The following NRG1 variants were observed in gnomAD, a reference collection of about 807,000 sequenced individuals.
The protein encoded by NRG1 is pro-neuregulin-1, membrane-bound isoform.
NRG1 carries 18 observed loss-of-function variants against 63.8 expected under a neutral mutation model. The observed-to-expected ratio is 0.28, with a 90% CI of 0.19 to 0.42. The LOEUF (loss-of-function observed/expected upper bound fraction) is 0.42, where lower values mean the gene tolerates loss of function less well. Ranked by LOEUF, NRG1 falls within the 10% of genes least tolerant of loss-of-function variation. NRG1 has a pLI of 1.00. For synonymous variants in NRG1, 302 were observed against 301.3 expected, an observed-to-expected ratio of 1.00 and a Z score of -0.02; for missense variants, 762 against 814.7, an observed-to-expected ratio of 0.94 and a Z score of 0.79.
chr8:32,737,596 A>G (rs1267995336), intron 6 of NRG1, among the ~76,000 whole-genome samples: 1 of 151,922 alleles, frequency 6.6e-6, no homozygotes, highest in Non-Finnish European at 1.5e-5. Context: ...AGGAGAGTGT[A>G]TCATAAACTA....
At chr8:32,408,352 A>T (rs1175388130) in intron 1 of NRG1, among the ~76,000 whole-genome samples, 1 of 152,126 alleles carries the variant, frequency 6.6e-6, no homozygotes, top group East Asian at 1.9e-4. Context: ...GCTGGCCGAG[A>T]TGTGCAGTCC....
At chr8:31,651,816 C>T (rs1445970041) in intron 1 of NRG1, among the ~76,000 whole-genome samples, 2 of 152,030 alleles carry the variant, frequency 1.3e-5, no homozygotes, top group African/African-American at 2.4e-5. Context: ...ACGTCTCCGA[C>T]CCCTGGTGGA....
At position 32,722,754 on chromosome 8, in the gene NRG1, T is replaced by C. The variant is rs374983697; in HGVS notation, c.503-5195T>C. Among the ~76,000 whole-genome samples, 5 of 152,334 alleles carry C rather than the reference T, an allele frequency of 3.3e-5. No homozygotes were observed. In the East Asian group the frequency reaches 7.7e-4, roughly 23 times the overall value. ...CAGTCAGAAATATTAAAGAATTATG[T>C]AGATCTTGAAAGGGTAAAATAATCC... On this transcript the variant is annotated intron_variant, in intron 5 of 11. Transcript: ENST00000356819.
intron 1 of NRG1, among the ~76,000 whole-genome samples, chr8:32,215,819 A>T (rs1586146841): frequency 6.6e-6 from 1 of 152,250 alleles, no homozygotes; most frequent in East Asian, 1.9e-4. Context: ...AGGCAAGAGG[A>T]TAACTTGAGC....
intron 5 of NRG1, among the ~76,000 whole-genome samples, chr8:32,678,054 A>C (rs1046753241): frequency 1.3e-5 from 2 of 152,204 alleles, no homozygotes; most frequent in Admixed American, 6.5e-5. Context: ...GTTTTTGATC[A>C]CATTATATTA....
chr8:32,620,427 T>C (rs1403198353), intron 5 of NRG1, among the ~76,000 whole-genome samples: 1 of 151,502 alleles, frequency 6.6e-6, no homozygotes, highest in African/African-American at 2.4e-5. Flanking sequence ...CAGGGGAGGC[T>C]TTCAGAGCAA....
Position 32,581,502 on chromosome 8 carries a change from G to C in NRG1, c.101-14326G>C, listed in dbSNP as rs1840625277. Among the ~76,000 whole-genome samples, 10 of 152,280 alleles carry C rather than the reference G, an allele frequency of 6.6e-5. No homozygotes were observed. The South Asian group carries it at 2.1e-3, about 32-fold the overall frequency. On this transcript the variant is annotated intron_variant, in intron 1 of 11. Coordinates refer to ENST00000356819, the Ensembl canonical transcript of NRG1. ...TCTTCCATTCAGTCAACATTATTGA[G>C]CACTGTGCTAGTTATTAGGATAAAA... is the stretch of plus-strand genomic sequence containing the variant.
chr8:31,922,440 A>G (rs1481624), intron 1 of NRG1, among the ~76,000 whole-genome samples: 112,303 of 152,074 alleles, frequency 0.74, 41,994 homozygotes, highest in East Asian at 0.92. Context: ...CTTCTCAGTG[A>G]ACTATGTGGT....
chr8:31,857,806 A>G (rs1044054232), intron 1 of NRG1, among the ~76,000 whole-genome samples: 1 of 152,236 alleles, frequency 6.6e-6, no homozygotes, highest in Non-Finnish European at 1.5e-5. Flanking sequence ...TTGTAGTTCA[A>G]AATGGGTCAT....
rs553486833 is a variant in NRG1, at chr8:31,667,046, G to A, written c.37+27615G>A. On this transcript the variant is annotated intron_variant, in intron 1 of 10. Transcript: ENST00000519301. ...GGTCACAGTGGAGAGCAGGCTGTCCGGCTCCAGTGTCTACTTAATTCTAAC... is the reference window on the plus strand; with the variant it reads ...GGTCACAGTGGAGAGCAGGCTGTCCAGCTCCAGTGTCTACTTAATTCTAAC... Among the ~76,000 whole-genome samples the A allele has an allele frequency of 3.9e-4, 59 of 152,272 alleles. No individual in the cohort carries two copies. The South Asian group carries it at 4.3e-3, about 11-fold the overall frequency.
intron 1 of NRG1, among the ~76,000 whole-genome samples, chr8:31,834,694 A>G (rs1910415): frequency 0.97 from 147,204 of 152,306 alleles, 71,318 homozygotes; most frequent in East Asian, 1. Context: ...CTGTGTAACA[A>G]AATGAGATCC....
intron 1 of NRG1, among the ~76,000 whole-genome samples, chr8:32,141,608 A>ATATATATC (rs1836280506): frequency 7.3e-6 from 1 of 136,370 alleles, no homozygotes; most frequent in Admixed American, 7.4e-5. Flanking sequence ...ATATATATAT[A>ATATATATC]TATATATATA....
intron 5 of NRG1, among the ~76,000 whole-genome samples, chr8:32,656,745 A>G (rs1801582062): frequency 6.6e-6 from 1 of 152,198 alleles, no homozygotes; most frequent in Admixed American, 6.5e-5. Flanking sequence ...AAAATATTTG[A>G]TAACAATCTA....
intron 1 of NRG1, among the ~76,000 whole-genome samples, chr8:31,813,510 T>C (rs573410303): frequency 0.012 from 779 of 64,086 alleles, 6 homozygotes; most frequent in African/African-American, 0.033. Flanking sequence ...TCTTTTCTTT[T>C]CTTTTCTTTT....
At chr8:31,862,583 A>G (rs1176483939) in intron 1 of NRG1, among the ~76,000 whole-genome samples, 1 of 152,222 alleles carries the variant, frequency 6.6e-6, no homozygotes, top group African/African-American at 2.4e-5. Flanking sequence ...TAGCCCGACC[A>G]TGACTTTTTA....
intron 1 of NRG1, among the ~76,000 whole-genome samples, chr8:32,444,382 C>A (rs1457538635): frequency 6.6e-6 from 1 of 152,112 alleles, no homozygotes; most frequent in Admixed American, 6.6e-5. Flanking sequence ...TCAAGCAGTC[C>A]TCCCACTGCA....
intron 1 of NRG1, among the ~76,000 whole-genome samples, chr8:32,042,326 G>A (rs984470220): frequency 3.9e-5 from 6 of 152,016 alleles, no homozygotes; most frequent in Non-Finnish European, 8.8e-5. Flanking sequence ...AGTGGCATGT[G>A]CCTGTAGTCA....
intron 5 of NRG1, among the ~76,000 whole-genome samples, chr8:32,641,227 A>G (rs1852330444): frequency 6.6e-6 from 1 of 151,742 alleles, no homozygotes; most frequent in South Asian, 2.1e-4. Flanking sequence ...TAATTGCCTG[A>G]GATTCACTGC....
chr8:32,460,020 T>C lies in NRG1; in HGVS notation c.38-135808T>C, dbSNP rs1041573771. On this transcript the variant is annotated intron_variant, in intron 1 of 10. Transcript: ENST00000519301. ...GCAGAACACTTACCACTGCCTGATA[T>C]TTTACTGATAGGTCTTTTGTCTGTT... is the stretch of plus-strand genomic sequence containing the variant. 2.0e-5 allele frequency among the ~76,000 whole-genome samples: 3 copies of C among 152,360 alleles called. No homozygotes were observed. The South Asian group carries it at 6.2e-4, about 32-fold the overall frequency.
Sources: gnomAD v4.1 joint callset for allele counts (sites outside exome capture counted in the v4.1 genomes callset) on GRCh38, gnomAD v4.1.1 for gene constraint, MANE v1.5 for transcripts, NCBI Gene and HGNC (gene_info 2026-07-23, HGNC 2026-07-21) for gene names.